NECAB1: variants seen among roughly 807,000 people sequenced by gnomAD.
NECAB1 encodes the protein N-terminal EF-hand calcium binding protein 1, also known as N-terminal EF-hand calcium-binding protein 1.
A neutral mutation model predicts 57.5 loss-of-function variants in NECAB1; 29 were observed. The ratio of observed to expected loss-of-function variants is 0.50; its 90% confidence interval spans 0.38 to 0.69. The LOEUF (loss-of-function observed/expected upper bound fraction) is 0.69, where lower values mean the gene tolerates loss of function less well. Among genes scored for constraint, NECAB1 ranks in the 30% least tolerant of loss-of-function variants. The probability of loss-of-function intolerance (pLI) is 0.00; values close to 1 mark genes in which losing one functional copy is unlikely to be tolerated. For missense variants in NECAB1, 372 were observed against 413.8 expected (o/e 0.90, Z 0.88); for synonymous variants, 142 against 147.7 (o/e 0.96, Z 0.28).
At chr8:90,847,887 C>T (rs1014922653) in intron 3 of NECAB1, among the ~76,000 whole-genome samples, 1 of 152,228 alleles carries the variant, frequency 6.6e-6, no homozygotes, top group African/African-American at 2.4e-5. Flanking sequence ...TTCGCCTTGG[C>T]CTCCAGGCCT....
At chr8:90,797,622 T>C (rs547538037) in intron 1 of NECAB1, among the ~76,000 whole-genome samples, 113 of 152,336 alleles carry the variant, frequency 7.4e-4, no homozygotes, top group Middle Eastern at 6.8e-3. Context: ...AGTTTGTCTT[T>C]GCAATGTGCT....
chr8:90,925,805 T>A, intron 7 of NECAB1, 149 bp downstream of exon 7: 1 of 1,129,994 alleles, frequency 8.8e-7, no homozygotes, highest in Non-Finnish European at 1.2e-6. Flanking sequence ...GTGAAGAGTG[T>A]AGTATGAAGA....
intron 2 of NECAB1, among the ~76,000 whole-genome samples, chr8:90,823,508 C>A (rs772920988): frequency 6.6e-6 from 1 of 151,734 alleles, no homozygotes; most frequent in Non-Finnish European, 1.5e-5. Context: ...CCCCTCCATG[C>A]CCTCTGTGAG....
chr8:90,881,674 A>G (rs1047687826), intron 5 of NECAB1, among the ~76,000 whole-genome samples: 6 of 152,194 alleles, frequency 3.9e-5, no homozygotes, highest in Admixed American at 2.0e-4. Flanking sequence ...CCCTAGAAAC[A>G]GAAGCCACTA....
At chr8:90,883,357 C>T (rs1469470602) in intron 5 of NECAB1, among the ~76,000 whole-genome samples, 1 of 152,140 alleles carries the variant, frequency 6.6e-6, no homozygotes, top group East Asian at 1.9e-4. Context: ...TTTCTCAAGC[C>T]ACTGTTGAAT....
intron 5 of NECAB1, among the ~76,000 whole-genome samples, chr8:90,907,119 ATT>A (rs1809697447): frequency 8.3e-6 from 1 of 119,936 alleles, no homozygotes; most frequent in Non-Finnish European, 1.6e-5. Context: ...AATCCACCCA[ATT>A]TTGTGTGTGT....
At chr8:90,940,193 T>C (rs1309452378) in intron 9 of NECAB1, 1 of 152,296 alleles carries the variant, frequency 6.6e-6, no homozygotes, top group Non-Finnish European at 1.5e-5. Flanking sequence ...GCCATTACCA[T>C]TTGAACAGGG....
intron 10 of NECAB1, among the ~76,000 whole-genome samples, chr8:90,942,758 T>C (rs1810702990): frequency 6.6e-6 from 1 of 152,130 alleles, no homozygotes; most frequent in Non-Finnish European, 1.5e-5. Flanking sequence ...AGCATGTGCC[T>C]GTAATCCCAG....
intron 8 of NECAB1, among the ~76,000 whole-genome samples, chr8:90,928,509 C>T (rs1435251059): frequency 6.6e-6 from 1 of 152,168 alleles, no homozygotes; most frequent in Non-Finnish European, 1.5e-5. Flanking sequence ...CTACCTCCCA[C>T]TCCCAATTAT....
chr8:90,892,407 GC>G (rs1809204907), intron 5 of NECAB1, among the ~76,000 whole-genome samples: 1 of 151,974 alleles, frequency 6.6e-6, no homozygotes, highest in Admixed American at 6.6e-5. Context: ...AAAAACATTG[GC>G]TAAGTATCAC....
chr8:90,841,196 C>T (rs1016874134), intron 3 of NECAB1, among the ~76,000 whole-genome samples: 10 of 151,342 alleles, frequency 6.6e-5, no homozygotes, highest in African/African-American at 2.4e-4. Context: ...GGAGGCGGAG[C>T]TTGCAGTGAG....
chr8:90,795,636 G>A (rs1811647491), intron 1 of NECAB1, among the ~76,000 whole-genome samples: 1 of 152,018 alleles, frequency 6.6e-6, no homozygotes, highest in African/African-American at 2.4e-5. Flanking sequence ...AGCCGAATGA[G>A]TCTTCCAGAT....
intron 7 of NECAB1, among the ~76,000 whole-genome samples, chr8:90,927,546 A>G (rs1283908744): frequency 6.6e-6 from 1 of 151,924 alleles, no homozygotes; most frequent in Non-Finnish European, 1.5e-5. Flanking sequence ...TTCCCTTTGC[A>G]TAACAATGTT....
intron 10 of NECAB1, among the ~76,000 whole-genome samples, chr8:90,944,972 A>T (rs1235630984): frequency 6.6e-6 from 1 of 151,876 alleles, no homozygotes; most frequent in Non-Finnish European, 1.5e-5. Flanking sequence ...ATCTCGGCTC[A>T]CTGCAGCCTC....
At chr8:90,870,969 GTATT>G (rs1808612875) in intron 3 of NECAB1, among the ~76,000 whole-genome samples, 1 of 152,186 alleles carries the variant, frequency 6.6e-6, no homozygotes, top group East Asian at 1.9e-4. Context: ...CTAAGATCAA[GTATT>G]TAGTGTCTAG....
intron 10 of NECAB1, 127 bp from the exon 11 acceptor site, chr8:90,949,680 G>A (rs1420837958): frequency 2.1e-6 from 1 of 472,140 alleles, no homozygotes; most frequent in Admixed American, 3.8e-5. Context: ...TGATTTTCAT[G>A]CAGGCACCTT....
intron 1 of NECAB1, among the ~76,000 whole-genome samples, chr8:90,795,059 C>T (rs1042954826): frequency 1.3e-5 from 2 of 152,340 alleles, no homozygotes; most frequent in South Asian, 4.1e-4. Flanking sequence ...GTCCTGGCAA[C>T]ACATAGGACC....
chr8:90,878,043 T>C (rs1478426161), intron 4 of NECAB1, among the ~76,000 whole-genome samples: 1 of 151,974 alleles, frequency 6.6e-6, no homozygotes, highest in African/African-American at 2.4e-5. Flanking sequence ...TCTTTTTCTT[T>C]TTTTTTTTTC....
Position 90,958,845 on chromosome 8 carries a change from T to G in NECAB1, c.*3333T>G. On this transcript the variant is annotated 3_prime_UTR_variant, in exon 13 of 13. Transcript: ENST00000417640. ...TGCAAAGCTGAAACTGATTAGAAAA[T>G]TCTTTATATTTTAAAATAGCTCTTT... is the stretch of plus-strand genomic sequence containing the variant. 1 of 459,620 alleles carries G rather than the reference T, an allele frequency of 2.2e-6. No homozygotes were observed. The highest frequency in any genetic ancestry group is 5.0e-5 in the Admixed American group (1 of 19,808). The allele number at this position is 459,620 out of a possible 1,614,324, so 28.5% of individuals were successfully genotyped here.
Sources: gnomAD v4.1 joint callset for allele counts (sites outside exome capture counted in the v4.1 genomes callset) on GRCh38, gnomAD v4.1.1 for gene constraint, MANE v1.5 for transcripts, NCBI Gene and HGNC (gene_info 2026-07-23, HGNC 2026-07-21) for gene names.